Variants in CTNNA2 observed in about 807,000 individuals in gnomAD.
CTNNA2 encodes the protein catenin alpha 2, also known as catenin alpha-2.
A neutral mutation model predicts 101.0 loss-of-function variants in CTNNA2; 42 were observed. That is an observed-to-expected ratio of 0.42 (90% CI 0.32 to 0.54). CTNNA2 has a LOEUF of 0.54. CTNNA2 is among the 20% of genes least tolerant of loss of function. CTNNA2 has a pLI of 0.14. For missense variants in CTNNA2, 871 were observed against 1,223.1 expected, an observed-to-expected ratio of 0.71 and a Z score of 4.29; for synonymous variants, 450 against 456.4, an observed-to-expected ratio of 0.99 and a Z score of 0.18.
intron 7 of CTNNA2, among the ~76,000 whole-genome samples, chr2:80,322,581 G>T (rs1438884120): frequency 9.2e-5 from 14 of 151,564 alleles, no homozygotes; most frequent in Admixed American, 7.9e-4. Context: ...CGGAGGCCGC[G>T]GGGCCCCAAG....
chr2:79,658,629 C>T (rs1681789473), intron 2 of CTNNA2, among the ~76,000 whole-genome samples: 1 of 151,912 alleles, frequency 6.6e-6, no homozygotes, highest in Non-Finnish European at 1.5e-5. Flanking sequence ...TAATGAAGCA[C>T]TGGCCATCAA....
intron 5 of CTNNA2, among the ~76,000 whole-genome samples, chr2:79,872,588 G>C (rs550584688): frequency 1.9e-4 from 29 of 152,202 alleles, no homozygotes; most frequent in African/African-American, 6.0e-4. Flanking sequence ...TTTAGAAATT[G>C]TGTTACCTAG....
At chr2:79,967,156 G>C (rs1369384393) in intron 7 of CTNNA2, among the ~76,000 whole-genome samples, 1 of 151,864 alleles carries the variant, frequency 6.6e-6, no homozygotes, top group Non-Finnish European at 1.5e-5. Context: ...CTGCATAGTT[G>C]AGCTTTCTAG....
At chr2:79,872,325 G>A (rs997094641) in intron 5 of CTNNA2, among the ~76,000 whole-genome samples, 4 of 151,696 alleles carry the variant, frequency 2.6e-5, no homozygotes, top group Admixed American at 6.6e-5. Flanking sequence ...AGTGTTTTAT[G>A]GAGAGATTTT....
chr2:80,589,903 TGTGC>T (rs147261127), intron 15 of CTNNA2, among the ~76,000 whole-genome samples: 78 of 144,506 alleles, frequency 5.4e-4, no homozygotes, highest in African/African-American at 1.5e-3. Flanking sequence ...TGTGTGTGTG[TGTGC>T]GCGCGCGCGC....
chr2:79,838,911 A>G (rs1235878095), intron 3 of CTNNA2, among the ~76,000 whole-genome samples: 1 of 152,092 alleles, frequency 6.6e-6, no homozygotes, highest in Non-Finnish European at 1.5e-5. Flanking sequence ...ATACTACTAC[A>G]ACTGTTACTA....
At chr2:80,535,202 G>A (rs1690901429) in intron 9 of CTNNA2, among the ~76,000 whole-genome samples, 1 of 151,954 alleles carries the variant, frequency 6.6e-6, no homozygotes, top group African/African-American at 2.4e-5. Context: ...AACTTTTAAT[G>A]CATTACTTTG....
chr2:79,198,978 G>T (rs1673998084), intron 2 of CTNNA2, among the ~76,000 whole-genome samples: 1 of 152,146 alleles, frequency 6.6e-6, no homozygotes, highest in African/African-American at 2.4e-5. Flanking sequence ...CATTAACATT[G>T]CAATGAGTAT....
chr2:79,752,839 C>A (rs1672132386), intron 3 of CTNNA2, among the ~76,000 whole-genome samples: 1 of 152,018 alleles, frequency 6.6e-6, no homozygotes, highest in African/African-American at 2.4e-5. Context: ...AAAGAAGTAT[C>A]AGGGTATATA....
intron 3 of CTNNA2, among the ~76,000 whole-genome samples, chr2:79,833,257 C>T (rs538503632): frequency 4.5e-4 from 68 of 152,310 alleles, no homozygotes; most frequent in Non-Finnish European, 7.6e-4. Flanking sequence ...GGTAGGCTAG[C>T]CCTAGGCAAA....
At chr2:79,198,419 C>T (rs1673990692) in intron 2 of CTNNA2, among the ~76,000 whole-genome samples, 1 of 152,034 alleles carries the variant, frequency 6.6e-6, no homozygotes, top group Non-Finnish European at 1.5e-5. Context: ...TATTAACTTC[C>T]CTCTGGGAAT....
At position 80,141,399 on chromosome 2, in the gene CTNNA2, G is replaced by A. The variant is rs1703002197; in HGVS notation, c.1056+231602G>A. Among the ~76,000 whole-genome samples, 3 of 152,064 alleles carry A rather than the reference G, an allele frequency of 2.0e-5. No homozygotes were observed. The South Asian group carries it at 6.2e-4, about 31-fold the overall frequency. ...TAACAGCAGTAAGGTTCAAAGGAGG[G>A]TGGAAGGCTGAGATAATCCACAAAC... On this transcript the variant is annotated intron_variant, in intron 7 of 18. Coordinates refer to ENST00000402739, the MANE Select transcript of CTNNA2 (RefSeq NM_001282597.3).
chr2:79,443,245 T>C (rs1473837046), intron 4 of CTNNA2, among the ~76,000 whole-genome samples: 1 of 152,170 alleles, frequency 6.6e-6, no homozygotes, highest in African/African-American at 2.4e-5. Context: ...CTGTTGGTGC[T>C]AGCCCAGGCC....
intron 7 of CTNNA2, among the ~76,000 whole-genome samples, chr2:79,972,885 G>A (rs145912028): frequency 7.2e-4 from 110 of 152,208 alleles, no homozygotes; most frequent in African/African-American, 2.5e-3. Flanking sequence ...ATCTAAGCTC[G>A]TAATTTTCAT....
chr2:79,713,173 T>C (rs1685851464), intron 2 of CTNNA2, among the ~76,000 whole-genome samples: 1 of 152,232 alleles, frequency 6.6e-6, no homozygotes, highest in Non-Finnish European at 1.5e-5. Flanking sequence ...GCAAAAATCA[T>C]TGAATAAAAT....
intron 3 of CTNNA2, among the ~76,000 whole-genome samples, chr2:79,367,692 A>T (rs942585222): frequency 1.3e-5 from 2 of 152,140 alleles, no homozygotes; most frequent in Non-Finnish European, 2.9e-5. Flanking sequence ...TCCAGGCAAG[A>T]GATGGGCTTT....
At chr2:79,564,912 T>G (rs1311454199) in intron 1 of CTNNA2, among the ~76,000 whole-genome samples, 1 of 152,200 alleles carries the variant, frequency 6.6e-6, no homozygotes, top group Non-Finnish European at 1.5e-5. Context: ...TTATTTTAAT[T>G]AAGCACTGTT....
Position 80,152,103 on chromosome 2 carries a change from G to A in CTNNA2, c.1057-241108G>A, listed in dbSNP as rs532861241. Among the ~76,000 whole-genome samples, 4 of 152,334 alleles carry A rather than the reference G, an allele frequency of 2.6e-5. No homozygotes were observed. In the South Asian group the frequency reaches 8.3e-4, roughly 32 times the overall value. On this transcript the variant is annotated intron_variant, in intron 7 of 18. Coordinates refer to ENST00000402739, the MANE Select transcript of CTNNA2 (RefSeq NM_001282597.3). ...CAGAGCACTATAAAAGGCAGTGAGT[G>A]ATTGGTAAAGTTAACTGGGATATGT...
intron 7 of CTNNA2, among the ~76,000 whole-genome samples, chr2:80,044,096 C>A (rs1373848683): frequency 6.6e-6 from 1 of 152,154 alleles, no homozygotes; most frequent in Non-Finnish European, 1.5e-5. Flanking sequence ...AACAGGATTT[C>A]TGACTCAATT....
Sources: gnomAD v4.1 joint callset for allele counts (sites outside exome capture counted in the v4.1 genomes callset) on GRCh38, gnomAD v4.1.1 for gene constraint, MANE v1.5 for transcripts, NCBI Gene and HGNC (gene_info 2026-07-23, HGNC 2026-07-21) for gene names.